Variants in ABCB9 observed in about 807,000 individuals in gnomAD.
The protein encoded by ABCB9 is ABC-type oligopeptide transporter ABCB9.
Under a neutral mutation model 62.0 loss-of-function variants are expected in ABCB9, and 36 were observed. That is an observed-to-expected ratio of 0.58 (90% CI 0.45 to 0.77). The LOEUF is 0.77. Among genes scored for constraint, ABCB9 ranks in the 30% least tolerant of loss-of-function variants. The pLI, the probability that ABCB9 is intolerant of heterozygous loss-of-function variation, is 0.00. For missense variants in ABCB9, 943 were observed against 1,054.7 expected, an observed-to-expected ratio of 0.89 and a Z score of 1.47; for synonymous variants, 435 against 461.4, an observed-to-expected ratio of 0.94 and a Z score of 0.73.
At chr12:122,955,426 G>A (rs1249697045) in intron 2 of ABCB9, among the ~76,000 whole-genome samples, 1 of 152,248 alleles carries the variant, frequency 6.6e-6, no homozygotes, top group East Asian at 1.9e-4. Flanking sequence ...AGGCATGACA[G>A]TCATTCATAC....
intron 1 of ABCB9, among the ~76,000 whole-genome samples, chr12:122,973,566 G>A (rs1462651944): frequency 1.2e-5 from 1 of 81,550 alleles, no homozygotes; most frequent in African/African-American, 5.2e-5. Context: ...GCGAGACTCC[G>A]TCTCAAAAAA....
intron 1 of ABCB9, chr12:122,973,155 G>C (rs2037300368): frequency 6.6e-6 from 1 of 152,298 alleles, no homozygotes; most frequent in Non-Finnish European, 1.5e-5. Context: ...TGAGCCCAGA[G>C]TGTCTGGAAG....
chr12:122,929,954 G>A lies in ABCB9; in HGVS notation c.2258C>T (p.Ala753Val). 6.3e-7 allele frequency: 1 copy of A among 1,581,510 alleles called. No individual in the cohort carries two copies. Among genetic ancestry groups the A allele is most frequent in the Non-Finnish European group, 8.6e-7 (1 of 1,165,488 alleles). The change falls in exon 12 of 12, where the codon GCT (alanine) becomes GTT (valine). Residue 753 changes from alanine to valine, a missense_variant. Coordinates refer to ENST00000280560, the MANE Select transcript of ABCB9 (RefSeq NM_019625.4). This position sits in a 1 kb window ranked among gnomAD's most constrained non-coding sequence, Gnocchi z 6.0. ...GTTGGCTACAGGCTCGTTGTGGCCA[G>A]CTGTGAAGTCTGCGGCGGGCTGAAG... Reference protein sequence around the residue: ...LGLQPAADFTAGHNEPVANGS... With the variant: ...LGLQPAADFTVGHNEPVANGS...
At chr12:122,957,031 C>G (rs902991524) in intron 2 of ABCB9, among the ~76,000 whole-genome samples, 4 of 151,154 alleles carry the variant, frequency 2.6e-5, no homozygotes, top group African/African-American at 9.8e-5. Context: ...GTACTTAGTC[C>G]TTCTCCTATT....
chr12:122,965,665 G>A (rs1594082359), intron 1 of ABCB9, among the ~76,000 whole-genome samples: 1 of 152,220 alleles, frequency 6.6e-6, no homozygotes, highest in Admixed American at 6.5e-5. Flanking sequence ...GGAATGGGCA[G>A]AGGCGGGGAT....
In ABCB9 at chr12:122,929,537, A is replaced by G; in HGVS notation, c.*374T>C. 1 of 1,027,474 alleles carries G rather than the reference A, an allele frequency of 9.7e-7. No individual in the cohort carries two copies. The highest frequency in any genetic ancestry group is 1.2e-6 in the Non-Finnish European group (1 of 858,058). 63.6% of individuals were successfully genotyped at this position (1,027,474 alleles called of 1,614,324 possible). A position where few individuals can be genotyped will look rare whatever the true frequency, so the allele number is the denominator to read the frequency against. On this transcript the variant is annotated 3_prime_UTR_variant, in exon 12 of 12. Transcript: ENST00000280560. This position sits in a 1 kb window ranked among gnomAD's most constrained non-coding sequence, Gnocchi z 6.0. ...CACTCCTGGCTCAGAAGTTTCTAGA[A>G]CATCTTGGTGAAAGTGCCCGCCATT...
downstream of ABCB9, among the ~76,000 whole-genome samples, chr12:122,928,476 A>G (rs1484596528): frequency 6.6e-6 from 1 of 152,006 alleles, no homozygotes; most frequent in African/African-American, 2.4e-5. Context: ...CTCAAAAAAA[A>G]AAAAAAAAAT....
chr12:122,921,292 G>A (rs1296979480), intron 11 of ABCB9, among the ~76,000 whole-genome samples: 3 of 152,170 alleles, frequency 2.0e-5, no homozygotes, highest in Non-Finnish European at 4.4e-5. Flanking sequence ...GGCACAGGCT[G>A]TAGTCCCAGC....
At chr12:122,919,300 G>A (rs2034690583), downstream of ABCB9, among the ~76,000 whole-genome samples, 1 of 152,064 alleles carries the variant, frequency 6.6e-6, no homozygotes, top group African/African-American at 2.4e-5. Flanking sequence ...AGCCACACAA[G>A]TAGCTGGGAC....
chr12:122,925,398 C>A (rs1566146569), downstream of ABCB9, among the ~76,000 whole-genome samples: 1 of 152,008 alleles, frequency 6.6e-6, no homozygotes, highest in Non-Finnish European at 1.5e-5. Flanking sequence ...TGGGACCCAG[C>A]AATTCCACTC....
intron 9 of ABCB9, among the ~76,000 whole-genome samples, chr12:122,936,337 T>A (rs1364988083): frequency 1.3e-5 from 2 of 152,246 alleles, no homozygotes; most frequent in African/African-American, 4.8e-5. Flanking sequence ...ACTGGCTACC[T>A]CCATGTGGTG....
chr12:122,961,239 G>A (rs980984330), intron 1 of ABCB9, among the ~76,000 whole-genome samples: 5 of 151,998 alleles, frequency 3.3e-5, no homozygotes, highest in Non-Finnish European at 5.9e-5. Flanking sequence ...CCAGGCTGGA[G>A]TACAGTGGTG....
At chr12:122,963,418 G>A (rs2037016045) in intron 1 of ABCB9, among the ~76,000 whole-genome samples, 1 of 152,096 alleles carries the variant, frequency 6.6e-6, no homozygotes, top group Non-Finnish European at 1.5e-5. Flanking sequence ...AGCTGACATT[G>A]GCTCCAGGCA....
At position 122,929,306 on chromosome 12, in the gene ABCB9, G is replaced by A; in HGVS notation, c.*605C>T. 2.0e-6 allele frequency: 2 copies of A among 985,964 alleles called. No homozygotes were observed. The highest frequency in any genetic ancestry group is 2.4e-6 in the Non-Finnish European group (2 of 830,032). 61.1% of individuals were successfully genotyped at this position (985,964 alleles called of 1,614,324 possible). ...TTTCGTGTGGTTCACAGTGAGACTG[G>A]CTTAGATTGGCAGCGGGCGATGGCA... is the stretch of plus-strand genomic sequence containing the variant. On this transcript the variant is annotated 3_prime_UTR_variant, in exon 12 of 12. Transcript: ENST00000280560. This position sits in a 1 kb window ranked among gnomAD's most constrained non-coding sequence, Gnocchi z 6.0.
upstream of ABCB9, among the ~76,000 whole-genome samples, chr12:122,969,777 C>T (rs566808498): frequency 4.3e-4 from 65 of 151,680 alleles, no homozygotes; most frequent in Non-Finnish European, 7.7e-4. Flanking sequence ...ATGCCATATG[C>T]CATAAAGGAA....
At position 122,946,155 on chromosome 12, in the gene ABCB9, G is replaced by A. The variant is rs1303723824; in HGVS notation, c.1121C>T (p.Ala374Val). 5.0e-6 allele frequency: 8 copies of A among 1,613,992 alleles called. No individual in the cohort carries two copies. In the Admixed American group the frequency reaches 1.3e-4, roughly 27 times the overall value. The change falls in exon 6 of 12, where the codon GCC becomes GTC. Residue 374 changes from alanine to valine, a missense_variant. Coordinates refer to ENST00000280560, the MANE Select transcript of ABCB9 (RefSeq NM_019625.4). ...GGCGAAGCTCCGGACAGTCTTCATG[G>A]CACTGATGGTCTCCTCCGCCGTGTT... ...ASNTAEETIS[A>V]MKTVRSFANE...
At chr12:122,965,648 G>C (rs1377912760) in intron 1 of ABCB9, among the ~76,000 whole-genome samples, 2 of 152,202 alleles carry the variant, frequency 1.3e-5, no homozygotes, top group South Asian at 2.1e-4. Context: ...GCACTATCCG[G>C]AAAAGGGGAA....
chr12:122,966,045 G>C (rs1455913977), intron 1 of ABCB9, among the ~76,000 whole-genome samples: 1 of 152,140 alleles, frequency 6.6e-6, no homozygotes, highest in African/African-American at 2.4e-5. Flanking sequence ...AGGCAGCGGC[G>C]CCTTGGGGGT....
chr12:122,962,769 T>C (rs1404933535), intron 1 of ABCB9, among the ~76,000 whole-genome samples: 1 of 152,194 alleles, frequency 6.6e-6, no homozygotes, highest in Non-Finnish European at 1.5e-5. Context: ...CCCTGCACCA[T>C]GTGCTTCAAA....
Sources: gnomAD v4.1 joint callset for allele counts (sites outside exome capture counted in the v4.1 genomes callset) on GRCh38, gnomAD v4.1.1 for gene constraint, Gnocchi (gnomAD v3.1) non-coding constraint, MANE v1.5 for transcripts, NCBI Gene and HGNC (gene_info 2026-07-23, HGNC 2026-07-21) for gene names.